Variants in FAM20C observed in about 807,000 individuals in gnomAD.
The protein encoded by FAM20C is FAM20C golgi associated secretory pathway kinase, also known as extracellular serine/threonine protein kinase FAM20C.
A neutral mutation model predicts 51.5 loss-of-function variants in FAM20C; 40 were observed. The ratio of observed to expected loss-of-function variants is 0.78; its 90% confidence interval spans 0.60 to 1.01. FAM20C has a LOEUF of 1.01. FAM20C is among the 50% of genes least tolerant of loss of function. The pLI is 0.00. For missense variants in FAM20C, 861 were observed against 844.7 expected, an observed-to-expected ratio of 1.02 and a Z score of -0.24; for synonymous variants, 406 against 380.6, an observed-to-expected ratio of 1.07 and a Z score of -0.78.
intron 8 of FAM20C, among the ~76,000 whole-genome samples, chr7:258,123 G>GACGGGGTGGACCCACTGACTGGGGT (rs1788690921): frequency 6.7e-6 from 1 of 148,592 alleles, no homozygotes; most frequent in Non-Finnish European, 1.5e-5. Flanking sequence ...GTTGGAGATA[G>GACGGGGTGGACCCACTGACTGGGGT]GCGGGGTGGA....
chr7:259,253 C>T (rs1428844726), intron 9 of FAM20C, among the ~76,000 whole-genome samples: 1 of 152,186 alleles, frequency 6.6e-6, no homozygotes, highest in Non-Finnish European at 1.5e-5. Context: ...GCCCTCCTCA[C>T]CTCCCCATCC....
chr7:202,906 T>C (rs371951989), intron 2 of FAM20C, among the ~76,000 whole-genome samples: 2 of 152,226 alleles, frequency 1.3e-5, no homozygotes, highest in African/African-American at 4.8e-5. Context: ...AGGACTGAAC[T>C]GACCAGATTT....
rs192884405 is a variant in FAM20C at position 209,092 on chromosome 7, G to A, written c.863+116G>A. On this transcript the variant is annotated intron_variant, in intron 3 of 9. Transcript: ENST00000313766. ...TCCCAGGGTGTTTTGGGGAGACTGTGGGTGACCACTCTCAACTCTCCCCGT... is the reference window on the plus strand; with the variant it reads ...TCCCAGGGTGTTTTGGGGAGACTGTAGGTGACCACTCTCAACTCTCCCCGT... 186 of 1,020,548 alleles carry A rather than the reference G, an allele frequency of 1.8e-4. No homozygotes were observed. The African/African-American group carries it at 2.8e-3, about 16-fold the overall frequency. The allele number at this position is 1,020,548 out of a possible 1,614,324, so 63.2% of individuals were successfully genotyped here. A position where few individuals can be genotyped will look rare whatever the true frequency, so the allele number is the denominator to read the frequency against.
chr7:203,557 T>C (rs1159377730), intron 2 of FAM20C, among the ~76,000 whole-genome samples: 1 of 152,234 alleles, frequency 6.6e-6, no homozygotes, highest in Non-Finnish European at 1.5e-5. Context: ...GCAAGGAGAC[T>C]GTATCTGATT....
At chr7:211,126 C>T in intron 3 of FAM20C, among the ~76,000 whole-genome samples, 1 of 134,742 alleles carries the variant, frequency 7.4e-6, no homozygotes, top group African/African-American at 2.6e-5. Context: ...CTTCTCCCTT[C>T]CTCCTCCCCC....
At position 193,708 on chromosome 7, in the gene FAM20C, A is replaced by G. The variant is rs1211495531; in HGVS notation, c.509A>G (p.Tyr170Cys). ...GCCAGGCTGTTCGAGCACCCGCTTT[A>G]CCGGGTGGCGGTTCCGCCGCTCACG... The part of the protein sequence containing the change: ...LLARLFEHPL[Y>C]RVAVPPLTEE... The change falls in exon 1 of 10, where the codon TAC becomes TGC. Residue 170 changes from tyrosine (Y) to cysteine (C), a missense_variant. Tyr to Cys is a radical substitution (Grantham distance 194, BLOSUM62 -2). This residue lies in a region of FAM20C where 561 missense variants were observed against 499.8 expected (regional missense o/e 1.12). Transcript: ENST00000313766. The G allele has an allele frequency of 3.9e-6, 6 of 1,545,872 alleles. No individual in the cohort carries two copies. Among genetic ancestry groups the G allele is most frequent in the Non-Finnish European group, 5.2e-6 (6 of 1,144,990 alleles).
intron 3 of FAM20C, among the ~76,000 whole-genome samples, chr7:211,086 G>A (rs1394888023): frequency 1.3e-5 from 2 of 151,588 alleles, no homozygotes; most frequent in African/African-American, 4.9e-5. Context: ...TAAGCCCAGG[G>A]TGCGCGACCT....
chr7:195,980 C>G (rs147409497), intron 2 of FAM20C, among the ~76,000 whole-genome samples: 1 of 152,262 alleles, frequency 6.6e-6, no homozygotes, highest in African/African-American at 2.4e-5. Context: ...CGGTCCACTG[C>G]GCTCTGCGTC....
chr7:245,155 G>A (rs544949344), intron 3 of FAM20C, among the ~76,000 whole-genome samples: 22 of 152,370 alleles, frequency 1.4e-4, no homozygotes, highest in African/African-American at 7.2e-5. Context: ...GGAAGGACCC[G>A]GCCGGGGAAG....
intron 5 of FAM20C, among the ~76,000 whole-genome samples, chr7:249,513 G>A (rs1259183420): frequency 1.3e-5 from 2 of 152,230 alleles, no homozygotes; most frequent in African/African-American, 4.8e-5. Flanking sequence ...AGCCAAGGTG[G>A]GAGGATCACT....
In FAM20C at chr7:250,475, G is replaced by A. The variant is rs559268778; in HGVS notation, c.1072+2045G>A. On this transcript the variant is annotated intron_variant, in intron 5 of 9. Coordinates refer to ENST00000313766, the MANE Select transcript of FAM20C (RefSeq NM_020223.4). ...GCGTGGGGGTCTTTGAGGGCTCCCC[G>A]GTCAGCTGTGCCTGAGCCAGGCACA... 1.1e-4 allele frequency among the ~76,000 whole-genome samples: 17 copies of A among 152,296 alleles called. No homozygotes were observed. In the East Asian group the frequency reaches 1.2e-3, roughly 10 times the overall value.
chr7:228,991 A>C (rs1583315686), intron 3 of FAM20C: 6 of 370,478 alleles, frequency 1.6e-5, no homozygotes, highest in Non-Finnish European at 1.1e-5. Context: ...CGACACCAGG[A>C]CCCGTAGTCG....
rs576041477 is a variant in FAM20C, at chr7:226,732, C to T, written c.863+17756C>T. On this transcript the variant is annotated intron_variant, in intron 3 of 9. Coordinates refer to ENST00000313766, the MANE Select transcript of FAM20C (RefSeq NM_020223.4). ...AGACACCCTGATGATTTACTGGTGG[C>T]CAAAGTTACATCAACTGAGGCTGGC... is the stretch of plus-strand genomic sequence containing the variant. Among the ~76,000 whole-genome samples, 8 of 152,318 alleles carry T rather than the reference C, an allele frequency of 5.3e-5. No individual in the cohort carries two copies. In the South Asian group the frequency reaches 1.7e-3, roughly 32 times the overall value.
At chr7:213,721 C>G (rs550728052) in intron 3 of FAM20C, among the ~76,000 whole-genome samples, 2 of 152,304 alleles carry the variant, frequency 1.3e-5, no homozygotes, top group South Asian at 4.1e-4. Flanking sequence ...CTGCGTTTAA[C>G]TGTTTGAGGA....
In FAM20C at chr7:256,043, C is replaced by T. The variant is rs1371635740; in HGVS notation, c.1253+14C>T. The T allele has an allele frequency of 1.7e-5, 26 of 1,532,152 alleles. No homozygotes were observed. Among genetic ancestry groups the T allele is most frequent in the African/African-American group, 1.2e-4 (9 of 72,864 alleles). 94.9% of individuals were successfully genotyped at this position (1,532,152 alleles called of 1,614,324 possible). On this transcript the variant is annotated intron_variant, in intron 6 of 9. Transcript: ENST00000313766. Reference sequence around the variant, plus strand: ...CAAGAAGGCCGAGTGAGTGCGGGGCCGGGGGGCTGGCGTCCGGCCACCCTA... The same window carrying T: ...CAAGAAGGCCGAGTGAGTGCGGGGCTGGGGGGCTGGCGTCCGGCCACCCTA...
In FAM20C at chr7:195,720, A is replaced by T. The variant is rs904847120; in HGVS notation, c.772A>T (p.Ile258Phe). The change falls in exon 2 of 10, where the codon ATC becomes TTC. Residue 258 changes from isoleucine (I) to phenylalanine (F), a missense_variant. By Grantham distance (21) the Ile-to-Phe change is conservative. This residue lies in a region of FAM20C where 561 missense variants were observed against 499.8 expected (regional missense o/e 1.12). Coordinates refer to ENST00000313766, the MANE Select transcript of FAM20C (RefSeq NM_020223.4). ...ALLHDLSSQR[I>F]TSVAMKSGGT... Reference sequence around the variant, plus strand: ...GCTGCACGACCTCAGCTCCCAGAGGATCACCAGCGTGGGTAGGTGTCCTTG... The same window carrying T: ...GCTGCACGACCTCAGCTCCCAGAGGTTCACCAGCGTGGGTAGGTGTCCTTG... 1.9e-6 allele frequency: 3 copies of T among 1,605,736 alleles called. No individual in the cohort carries two copies. The highest frequency in any genetic ancestry group is 1.7e-5 in the Admixed American group (1 of 59,512).
intron 2 of FAM20C, among the ~76,000 whole-genome samples, chr7:201,541 C>T (rs560792279): frequency 6.6e-6 from 1 of 152,344 alleles, no homozygotes; most frequent in East Asian, 1.9e-4. Flanking sequence ...GGCCGTCTCT[C>T]CCTGTCTCTC....
intron 2 of FAM20C, among the ~76,000 whole-genome samples, chr7:200,434 C>T (rs894177075): frequency 2.0e-5 from 3 of 152,190 alleles, no homozygotes; most frequent in African/African-American, 7.2e-5. Context: ...TAGCTCAGTC[C>T]GCACTCAACT....
Position 259,813 on chromosome 7 carries a change from C to T in FAM20C, c.1588C>T (p.Arg530Trp), listed in dbSNP as rs778066437. 51 of 1,536,334 alleles carry T rather than the reference C, an allele frequency of 3.3e-5. No homozygotes were observed. Among genetic ancestry groups the T allele is most frequent in the South Asian group, 9.5e-5 (8 of 84,058 alleles). ...KLSLLMAESL[R>W]GDQVAPVLYQ... is the part of the protein sequence containing the mutation. ...GAGCCTGCTGATGGCCGAGTCTCTG[C>T]GGGGGGACCAGGTGGCACCCGTGCT... is the stretch of plus-strand genomic sequence containing the variant. The change falls in exon 10 of 10, where the codon CGG (arginine) becomes TGG (tryptophan). Residue 530 changes from arginine to tryptophan, a missense_variant. This residue lies in a region of FAM20C where 269 missense variants were observed against 283.8 expected (regional missense o/e 0.95). Transcript: ENST00000313766.
Sources: gnomAD v4.1 joint callset for allele counts (sites outside exome capture counted in the v4.1 genomes callset) on GRCh38, gnomAD v4.1.1 for gene constraint, gnomAD v4.1.1 regional missense constraint, MANE v1.5 for transcripts, NCBI Gene and HGNC (gene_info 2026-07-23, HGNC 2026-07-21) for gene names.